Variants in ILRUN observed in about 807,000 individuals in gnomAD.
The protein encoded by ILRUN is inflammation and lipid regulator with UBA-like and NBR1-like domains.
A neutral mutation model predicts 33.8 loss-of-function variants in ILRUN; 3 were observed. That is an observed-to-expected ratio of 0.09 (90% CI 0.04 to 0.23). The LOEUF is 0.23. ILRUN is among the 10% of genes least tolerant of loss of function. The pLI, the probability that ILRUN is intolerant of heterozygous loss-of-function variation, is 1.00. For synonymous variants in ILRUN, 124 were observed against 138.9 expected, an observed-to-expected ratio of 0.89 and a Z score of 0.75; for missense variants, 210 against 375.1, an observed-to-expected ratio of 0.56 and a Z score of 3.64.
At position 34,614,435 on chromosome 6, in the gene ILRUN, A is replaced by ATATATATATATATATATATATATATAT. The variant is rs1289507613; in HGVS notation, c.512-7532_512-7531insATATATATATATATATATATATATATA. ...AGACTCCATCTCAAAAAATAATAAA[A>ATATATATATATATATATATATATATAT]AAAAAAAAATATATATATATAAAAT... On this transcript the variant is annotated intron_variant, in intron 3 of 4. Coordinates refer to ENST00000374023, the MANE Select transcript of ILRUN (RefSeq NM_024294.4). Among the ~76,000 whole-genome samples, 60 of 123,376 alleles carry ATATATATATATATATATATATATATAT rather than the reference A, an allele frequency of 4.9e-4. 3 individuals are homozygous for ATATATATATATATATATATATATATAT. Among genetic ancestry groups the ATATATATATATATATATATATATATAT allele is most frequent in the African/African-American group, 1.9e-3 (50 of 26,096 alleles). The allele number at this position is 123,376 out of a possible 152,430, so 80.9% of individuals were successfully genotyped here. A position where few individuals can be genotyped will look rare whatever the true frequency, so the allele number is the denominator to read the frequency against.
intron 2 of ILRUN, among the ~76,000 whole-genome samples, chr6:34,653,958 G>A (rs1158846595): frequency 6.0e-5 from 8 of 134,104 alleles, no homozygotes; most frequent in African/African-American, 9.1e-5. Context: ...GCAACAGAGC[G>A]AGATGCTGTC....
At chr6:34,634,872 T>C (rs1405319240) in intron 3 of ILRUN, among the ~76,000 whole-genome samples, 1 of 147,150 alleles carries the variant, frequency 6.8e-6, no homozygotes, top group Non-Finnish European at 1.5e-5. Context: ...ATAAAATTTC[T>C]TACAGAAAAA....
chr6:34,667,085 A>C (rs1168355318), intron 1 of ILRUN, among the ~76,000 whole-genome samples: 1 of 152,208 alleles, frequency 6.6e-6, no homozygotes. Flanking sequence ...AAAGATACTA[A>C]AAACTGAGAG....
intron 2 of ILRUN, among the ~76,000 whole-genome samples, chr6:34,652,903 C>T (rs1207199944): frequency 6.6e-6 from 1 of 152,008 alleles, no homozygotes; most frequent in African/African-American, 2.4e-5. Flanking sequence ...TGCCTGTAAT[C>T]CCAGCATTTT....
At chr6:34,689,014 G>T (rs1184343039) in intron 1 of ILRUN, among the ~76,000 whole-genome samples, 1 of 151,662 alleles carries the variant, frequency 6.6e-6, no homozygotes, top group African/African-American at 2.4e-5. Context: ...ACAGAACTCA[G>T]ACTGCTGGTT....
At chr6:34,617,988 G>T (rs138048750) in intron 3 of ILRUN, among the ~76,000 whole-genome samples, 45 of 152,238 alleles carry the variant, frequency 3.0e-4, no homozygotes, top group Non-Finnish European at 5.6e-4. Flanking sequence ...TCCACATTAT[G>T]CCCTATTTCA....
At chr6:34,597,339 A>C (rs1325007604) in intron 4 of ILRUN, among the ~76,000 whole-genome samples, 1 of 152,214 alleles carries the variant, frequency 6.6e-6, no homozygotes, top group Non-Finnish European at 1.5e-5. Flanking sequence ...GAACTCTTTC[A>C]TGGTCATCTC....
intron 1 of ILRUN, among the ~76,000 whole-genome samples, chr6:34,678,473 T>C (rs1763285778): frequency 6.6e-6 from 1 of 152,212 alleles, no homozygotes. Context: ...AAAATGAGCA[T>C]AGTACTATCC....
chr6:34,649,486 T>C lies in ILRUN; in HGVS notation c.314-2688A>G, dbSNP rs184185494. ...TAGTTAAGTATCACAATCAAGTATA[T>C]AATTAAGGCTGTAATTCTCCAGATA... On this transcript the variant is annotated intron_variant, in intron 2 of 4. Coordinates refer to ENST00000374023, the MANE Select transcript of ILRUN (RefSeq NM_024294.4). 1.6e-3 allele frequency among the ~76,000 whole-genome samples: 240 copies of C among 152,294 alleles called. 1 individual carries two copies. The highest frequency in any genetic ancestry group is 1.4e-3 in the Non-Finnish European group (95 of 68,034).
intron 4 of ILRUN, among the ~76,000 whole-genome samples, chr6:34,590,955 T>C (rs932557777): frequency 6.6e-6 from 1 of 152,178 alleles, no homozygotes; most frequent in African/African-American, 2.4e-5. Context: ...CTGCTAAAGA[T>C]CCTTATATGC....
intron 1 of ILRUN, among the ~76,000 whole-genome samples, chr6:34,671,238 T>G (rs1763111607): frequency 6.6e-6 from 1 of 151,860 alleles, no homozygotes; most frequent in Admixed American, 6.6e-5. Flanking sequence ...ATACACAAAG[T>G]AGCCAGGTGT....
chr6:34,679,545 A>C (rs2127383143), intron 1 of ILRUN, among the ~76,000 whole-genome samples: 1 of 152,372 alleles, frequency 6.6e-6, no homozygotes, highest in African/African-American at 2.4e-5. Context: ...ATGTAATAGA[A>C]TACTACAAAA....
intron 1 of ILRUN, among the ~76,000 whole-genome samples, chr6:34,688,958 T>C (rs895663945): frequency 3.3e-5 from 5 of 151,694 alleles, no homozygotes; most frequent in African/African-American, 7.3e-5. Flanking sequence ...TGAAACTCCA[T>C]CTCAAAAAAG....
intron 1 of ILRUN, among the ~76,000 whole-genome samples, chr6:34,681,123 T>G (rs1265006444): frequency 6.6e-6 from 1 of 151,752 alleles, no homozygotes; most frequent in Non-Finnish European, 1.5e-5. Context: ...TAGAAGCACA[T>G]CATGTATCAT....
In ILRUN at chr6:34,696,632, C is replaced by T. The variant is rs1237644080; in HGVS notation, c.-29G>A. On this transcript the variant is annotated 5_prime_UTR_variant, in exon 1 of 5. Transcript: ENST00000374023. ...GGGGACCGGACACCCGCTTCCCCGCCTCTTCACAACCAAGCCGCCGCCGCG... is the reference window on the plus strand; with the variant it reads ...GGGGACCGGACACCCGCTTCCCCGCTTCTTCACAACCAAGCCGCCGCCGCG... The T allele has an allele frequency of 1.3e-6, 2 of 1,587,616 alleles. No individual in the cohort carries two copies. Among genetic ancestry groups the T allele is most frequent in the African/African-American group, 1.3e-5 (1 of 74,334 alleles).
At position 34,606,762 on chromosome 6, in the gene ILRUN, C is replaced by A; in HGVS notation, c.654G>T (p.Lys218Asn). The A allele has an allele frequency of 6.2e-7, 1 of 1,614,134 alleles. No individual in the cohort carries two copies. Among genetic ancestry groups the A allele is most frequent in the Non-Finnish European group, 8.5e-7 (1 of 1,180,030 alleles). ...GNFNPFASPQ[K>N]NRQSDENNLK... ...AGTTGTTTTCATCTGATTGTCGGTT[C>A]TTTTGGGGAGAGGCAAAAGGGTTGA... The change falls in exon 4 of 5, where the codon AAG becomes AAT. Residue 218 changes from lysine to asparagine, a missense_variant. Around this residue, in one of 4 missense-constraint regions of ILRUN, gnomAD observed 81 missense variants for 97.0 expected, o/e 0.84. Coordinates refer to ENST00000374023, the MANE Select transcript of ILRUN (RefSeq NM_024294.4).
intron 1 of ILRUN, among the ~76,000 whole-genome samples, chr6:34,692,949 G>GC (rs1763676787): frequency 6.6e-6 from 1 of 152,044 alleles, no homozygotes; most frequent in African/African-American, 2.4e-5. Context: ...ATGGTGGCAC[G>GC]CATCTGTAGT....
chr6:34,601,705 G>A (rs60005311), intron 4 of ILRUN, among the ~76,000 whole-genome samples: 27 of 119,346 alleles, frequency 2.3e-4, no homozygotes, highest in Middle Eastern at 4.2e-3. Context: ...TCCAGTACCC[G>A]CCCCCCCAAC....
chr6:34,659,541 T>G (rs1472136141), intron 1 of ILRUN, among the ~76,000 whole-genome samples: 1 of 152,148 alleles, frequency 6.6e-6, no homozygotes, highest in East Asian at 1.9e-4. Context: ...AACTGAATTC[T>G]TTAAAGAATT....
Sources: gnomAD v4.1 joint callset for allele counts (sites outside exome capture counted in the v4.1 genomes callset) on GRCh38, gnomAD v4.1.1 for gene constraint, gnomAD v4.1.1 regional missense constraint, MANE v1.5 for transcripts, NCBI Gene and HGNC (gene_info 2026-07-23, HGNC 2026-07-21) for gene names.